Variants in ATP2B1 observed in about 807,000 individuals in gnomAD.
The protein encoded by ATP2B1 is ATPase plasma membrane Ca2+ transporting 1.
ATP2B1 carries 14 observed loss-of-function variants against 124.2 expected under a neutral mutation model. The observed-to-expected ratio is 0.11, with a 90% CI of 0.07 to 0.18. The LOEUF (loss-of-function observed/expected upper bound fraction) is 0.18, where lower values mean the gene tolerates loss of function less well. ATP2B1 is among the 10% of genes least tolerant of loss of function. The pLI, the probability that ATP2B1 is intolerant of heterozygous loss-of-function variation, is 1.00. For synonymous variants in ATP2B1, 449 were observed against 492.4 expected, an observed-to-expected ratio of 0.91 and a Z score of 1.17; for missense variants, 763 against 1,466.1, an observed-to-expected ratio of 0.52 and a Z score of 7.83.
chr12:89,629,321 A>G (rs986389074), intron 6 of ATP2B1, among the ~76,000 whole-genome samples: 1 of 152,152 alleles, frequency 6.6e-6, no homozygotes, highest in African/African-American at 2.4e-5. Flanking sequence ...AAAAAATAAT[A>G]AGTCTTTACT....
At chr12:89,599,618 C>CCT (rs1309465282) in intron 19 of ATP2B1, among the ~76,000 whole-genome samples, 1 of 151,716 alleles carries the variant, frequency 6.6e-6, no homozygotes, top group Non-Finnish European at 1.5e-5. Flanking sequence ...CTTAAAAAGT[C>CCT]CTATTTATTT....
rs1186980974 is a variant in ATP2B1 at position 89,589,344 on chromosome 12, C to CA, written c.*1639dup. On this transcript the variant is annotated 3_prime_UTR_variant, in exon 21 of 21. Transcript: ENST00000428670. ...AGTTTCTAAAGGGTAAAGACAGAGG[C>CA]AAAAAAGAGAAGAAGGTAGATGAAG... 6.6e-6 allele frequency: 1 copy of CA among 151,714 alleles called. No homozygotes were observed. The highest frequency in any genetic ancestry group is 1.9e-4 in the East Asian group (1 of 5,164). 9.4% of individuals were successfully genotyped at this position (151,714 alleles called of 1,614,324 possible).
At chr12:89,692,213 C>T (rs1180441273) in intron 1 of ATP2B1, among the ~76,000 whole-genome samples, 1 of 151,990 alleles carries the variant, frequency 6.6e-6, no homozygotes, top group Non-Finnish European at 1.5e-5. Context: ...TGATGTTATT[C>T]TTAATCAATG....
At chr12:89,660,678 A>C (rs151029876) in intron 1 of ATP2B1, among the ~76,000 whole-genome samples, 1 of 152,350 alleles carries the variant, frequency 6.6e-6, no homozygotes, top group East Asian at 1.9e-4. Context: ...CATCTTATTA[A>C]ATGTGTAAAT....
chr12:89,603,887 G>A lies in ATP2B1; in HGVS notation c.2673C>T (p.Asn891=), dbSNP rs760937094. The change falls in exon 17 of 21, where the codon AAC becomes AAT. Residue 891 remains asparagine (N), a synonymous_variant. Coordinates refer to ENST00000428670, the MANE Select transcript of ATP2B1 (RefSeq NM_001366521.1). The surrounding 1 kb of genome is among the most constrained non-coding windows in gnomAD (Gnocchi z 4.3). ...PLKAVQMLWV[N]LIMDTLASLA... is the part of the protein sequence containing the mutation. The stretch of plus-strand genomic sequence containing the variant: ...GGGAAGCGAGTGTATCCATTATGAG[G>A]TTTACCCACAGCATCTGCACAGCCT... 3 of 1,614,062 alleles carry A rather than the reference G, an allele frequency of 1.9e-6. No homozygotes were observed. The highest frequency in any genetic ancestry group is 2.5e-6 in the Non-Finnish European group (3 of 1,179,982).
chr12:89,698,546 T>A (rs1187535259), intron 1 of ATP2B1, among the ~76,000 whole-genome samples: 7 of 152,168 alleles, frequency 4.6e-5, no homozygotes, highest in Non-Finnish European at 1.0e-4. Flanking sequence ...ATTACCTGAC[T>A]GTGGTGGCGA....
chr12:89,703,408 G>A (rs1892082667), intron 1 of ATP2B1, among the ~76,000 whole-genome samples: 1 of 152,072 alleles, frequency 6.6e-6, no homozygotes, highest in Non-Finnish European at 1.5e-5. Context: ...TAATATTCTT[G>A]GAAGATCTAC....
chr12:89,611,444 A>G, intron 12 of ATP2B1, 72 bp from the exon 13 acceptor site: 1 of 1,252,428 alleles, frequency 8.0e-7, no homozygotes, highest in Non-Finnish European at 1.1e-6. Context: ...TTCACTGCAC[A>G]CGACTGCATT....
chr12:89,597,871 T>C (rs1336461707), intron 20 of ATP2B1, among the ~76,000 whole-genome samples: 2 of 151,990 alleles, frequency 1.3e-5, no homozygotes, highest in Non-Finnish European at 2.9e-5. Context: ...ATCAATAGTA[T>C]ACTTTTCCTA....
intron 2 of ATP2B1, among the ~76,000 whole-genome samples, chr12:89,651,882 T>G (rs1488296925): frequency 6.6e-6 from 1 of 152,190 alleles, no homozygotes; most frequent in Non-Finnish European, 1.5e-5. Flanking sequence ...TAGGATAAAC[T>G]TGTTAAAATA....
intron 11 of ATP2B1, among the ~76,000 whole-genome samples, chr12:89,618,055 T>C (rs1417196428): frequency 6.6e-6 from 1 of 152,196 alleles, no homozygotes; most frequent in African/African-American, 2.4e-5. Flanking sequence ...GCTATTGTAA[T>C]AGCAATAGCC....
At chr12:89,604,104 T>C (rs755759087) in intron 16 of ATP2B1, 51 bp downstream of exon 16, 15 of 1,542,936 alleles carry the variant, frequency 9.7e-6, no homozygotes, top group Non-Finnish European at 1.3e-5. Flanking sequence ...GCATTTAATA[T>C]ACTTTTTAAA....
At chr12:89,642,884 T>C (rs1190040200) in intron 2 of ATP2B1, among the ~76,000 whole-genome samples, 1 of 151,994 alleles carries the variant, frequency 6.6e-6, no homozygotes, top group Non-Finnish European at 1.5e-5. Flanking sequence ...GGATTACAAA[T>C]GTGAGCCACC....
chr12:89,626,429 C>T, intron 8 of ATP2B1, 25 bp downstream of exon 8: 2 of 1,560,564 alleles, frequency 1.3e-6, no homozygotes, highest in Non-Finnish European at 1.7e-6. Flanking sequence ...AAATAAAACA[C>T]TTTATTTTCT....
chr12:89,706,378 TAAA>T (rs200346218), intron 1 of ATP2B1, among the ~76,000 whole-genome samples: 7 of 136,624 alleles, frequency 5.1e-5, no homozygotes, highest in Admixed American at 7.4e-5. Flanking sequence ...GGCCTACAGC[TAAA>T]AAAAAAAAAA....
At chr12:89,609,879 C>T in intron 15 of ATP2B1, 58 bp downstream of exon 15, 1 of 1,505,380 alleles carries the variant, frequency 6.6e-7, no homozygotes, top group Non-Finnish European at 9.2e-7. Flanking sequence ...AACAAACAAA[C>T]AAACAAACAA....
intron 1 of ATP2B1, among the ~76,000 whole-genome samples, chr12:89,660,653 T>C (rs1430554289): frequency 1.3e-5 from 2 of 152,194 alleles, no homozygotes; most frequent in African/African-American, 4.8e-5. Flanking sequence ...AAAATAAAGA[T>C]ACAAAAACAG....
chr12:89,655,281 C>A (rs1444101141), intron 2 of ATP2B1, among the ~76,000 whole-genome samples: 1 of 152,160 alleles, frequency 6.6e-6, no homozygotes, highest in African/African-American at 2.4e-5. Flanking sequence ...CAATCAACTA[C>A]TGAGAGTGAC....
upstream of ATP2B1, chr12:89,709,212 C>G (rs1892924859): frequency 1.3e-5 from 2 of 151,238 alleles, no homozygotes. Flanking sequence ...GGGAGGAGAA[C>G]GCTCACCCGT....
Sources: allele counts gnomAD v4.1 joint callset (sites outside exome capture counted in the v4.1 genomes callset), GRCh38; gene constraint gnomAD v4.1.1; non-coding constraint Gnocchi (gnomAD v3.1); transcripts MANE v1.5; gene names NCBI Gene and HGNC (gene_info 2026-07-23, HGNC 2026-07-21).